LNPK: variants seen among roughly 807,000 people sequenced by gnomAD.
LNPK encodes the protein lunapark, ER junction formation factor, also known as endoplasmic reticulum junction formation protein lunapark.
A neutral mutation model predicts 55.2 loss-of-function variants in LNPK; 29 were observed. That is an observed-to-expected ratio of 0.53 (90% CI 0.39 to 0.72). The LOEUF (loss-of-function observed/expected upper bound fraction) is 0.72, where lower values mean the gene tolerates loss of function less well. Among genes scored for constraint, LNPK ranks in the 30% least tolerant of loss-of-function variants. The pLI is 0.00. For missense variants in LNPK, 467 were observed against 494.8 expected (o/e 0.94, Z 0.53); for synonymous variants, 162 against 168.2 (o/e 0.96, Z 0.29).
At chr2:175,947,436 A>G (rs753558236) in intron 9 of LNPK, 44 bp downstream of exon 9, 5 of 1,537,210 alleles carry the variant, frequency 3.3e-6, no homozygotes, top group South Asian at 1.1e-5. Flanking sequence ...TGGTAACCAG[A>G]GAAAACAATA....
At chr2:175,943,265 G>A (rs1428302044) in intron 9 of LNPK, among the ~76,000 whole-genome samples, 5 of 146,696 alleles carry the variant, frequency 3.4e-5, no homozygotes, top group African/African-American at 1.0e-4. Context: ...AAAATAACCA[G>A]GCCCAGATGC....
chr2:175,964,286 T>G, intron 8 of LNPK, 86 bp downstream of exon 8: 1 of 1,051,574 alleles, frequency 9.5e-7, no homozygotes, highest in African/African-American at 1.6e-5. Context: ...ACATAAGTTT[T>G]TGCACACCTC....
At chr2:175,965,244 TAGGG>T (rs1043475324) in intron 6 of LNPK, among the ~76,000 whole-genome samples, 63 of 152,338 alleles carry the variant, frequency 4.1e-4, no homozygotes, top group African/African-American at 1.4e-3. Context: ...ATGTTCACAC[TAGGG>T]ACTATAATTA....
In LNPK at chr2:175,953,943, T is replaced by G. The variant is rs146460726; in HGVS notation, c.494-6251A>C. On this transcript the variant is annotated intron_variant, in intron 8 of 12. Coordinates refer to ENST00000272748, the MANE Select transcript of LNPK (RefSeq NM_030650.3). The stretch of plus-strand genomic sequence containing the variant: ...TTTGATCCCTCCTTCATATGACCCC[T>G]ACTTTCCTTTTTCAGGGATATGGCA... Among the ~76,000 whole-genome samples, 160 of 152,248 alleles carry G rather than the reference T, an allele frequency of 1.1e-3. 1 individual carries two copies. The highest frequency in any genetic ancestry group is 2.5e-3 in the East Asian group (13 of 5,186).
At chr2:175,948,624 C>T (rs1234629206) in intron 8 of LNPK, among the ~76,000 whole-genome samples, 2 of 152,156 alleles carry the variant, frequency 1.3e-5, no homozygotes, top group Admixed American at 1.3e-4. Context: ...AGCCTTTATA[C>T]TTTTTCAATT....
At chr2:175,997,041 T>G (rs1007539092) in intron 1 of LNPK, among the ~76,000 whole-genome samples, 1 of 152,172 alleles carries the variant, frequency 6.6e-6, no homozygotes, top group Admixed American at 6.5e-5. Context: ...ATAATACCAG[T>G]ATCAAGTAAG....
intron 1 of LNPK, among the ~76,000 whole-genome samples, 158 bp from the exon 2 acceptor site, chr2:175,995,804 CTTTTTTTT>C (rs10674444): frequency 1.5e-5 from 1 of 66,424 alleles, no homozygotes; most frequent in Non-Finnish European, 2.6e-5. Flanking sequence ...TAGAGTCTAC[CTTTTTTTT>C]TTTTTTTTTT....
chr2:175,971,649 T>C (rs1686668576), intron 5 of LNPK, among the ~76,000 whole-genome samples: 1 of 152,170 alleles, frequency 6.6e-6, no homozygotes, highest in South Asian at 2.1e-4. Flanking sequence ...AGTACATCAT[T>C]TATGTAAAAA....
chr2:175,980,623 A>G (rs1396461511), intron 4 of LNPK, among the ~76,000 whole-genome samples: 1 of 152,106 alleles, frequency 6.6e-6, no homozygotes, highest in Non-Finnish European at 1.5e-5. Flanking sequence ...ATAAGTACAT[A>G]AGGCTGGGCA....
chr2:175,983,082 T>C (rs1375658002), intron 4 of LNPK, among the ~76,000 whole-genome samples: 1 of 152,184 alleles, frequency 6.6e-6, no homozygotes, highest in Non-Finnish European at 1.5e-5. Flanking sequence ...GAAAACTGCA[T>C]ATTTCACAAA....
At chr2:175,996,773 T>C (rs1368431436) in intron 1 of LNPK, among the ~76,000 whole-genome samples, 1 of 152,222 alleles carries the variant, frequency 6.6e-6, no homozygotes, top group Admixed American at 6.5e-5. Context: ...ACCACTTCTT[T>C]CAGTTGCTTT....
rs1332560692 is a variant in LNPK at position 175,947,552 on chromosome 2, C to G, written c.634G>C (p.Val212Leu). 1 of 1,614,062 alleles carries G rather than the reference C, an allele frequency of 6.2e-7. No individual in the cohort carries two copies. Among genetic ancestry groups the G allele is most frequent in the East Asian group, 2.2e-5 (1 of 44,872 alleles). Residue 212 changes from valine (V) to leucine (L), a missense_variant, in exon 9 of 13, where the codon GTT becomes CTT. Transcript: ENST00000272748. ...SAPGGPPERT[V>L]TPALSSNVLP... is the part of the protein sequence containing the mutation. ...ACATTTGATGATAGGGCTGGAGTAA[C>G]AGTCCTTTCTGGGGGTCCACCAGGG...
chr2:175,955,804 A>G (rs149843573), intron 8 of LNPK, among the ~76,000 whole-genome samples: 255 of 152,308 alleles, frequency 1.7e-3, no homozygotes, highest in African/African-American at 5.9e-3. Context: ...AAGAAGTTGT[A>G]CTCTATTTGC....
In LNPK at chr2:175,940,263, A is replaced by G. The variant is rs538623005; in HGVS notation, c.707-606T>C. Reference sequence around the variant, plus strand: ...ATGTAGCAGACTCTCACAGTTGAGGAGACAAAGCCAGAATTCTGAGAAGGC... The same window carrying G: ...ATGTAGCAGACTCTCACAGTTGAGGGGACAAAGCCAGAATTCTGAGAAGGC... On this transcript the variant is annotated intron_variant, in intron 9 of 12. Transcript: ENST00000272748. Among the ~76,000 whole-genome samples the G allele has an allele frequency of 3.3e-5, 5 of 151,972 alleles. No individual in the cohort carries two copies. The East Asian group carries it at 9.8e-4, about 30-fold the overall frequency.
chr2:175,964,278 A>AT (rs1351840041), intron 8 of LNPK, 94 bp downstream of exon 8: 1 of 905,486 alleles, frequency 1.1e-6, no homozygotes, highest in East Asian at 2.5e-5. Flanking sequence ...AGCATTCTAC[A>AT]TAAGTTTTTG....
chr2:175,947,727 C>T (rs1685216532), intron 8 of LNPK, 35 bp from the exon 9 acceptor site: 15 of 1,426,942 alleles, frequency 1.1e-5, no homozygotes, highest in Non-Finnish European at 1.4e-5. Flanking sequence ...ACTTAATTTC[C>T]AATATACCAT....
chr2:175,974,654 C>T (rs1387057403), intron 5 of LNPK, among the ~76,000 whole-genome samples: 1 of 152,130 alleles, frequency 6.6e-6, no homozygotes, highest in East Asian at 1.9e-4. Context: ...GGCTTCCAGG[C>T]TGCAGCCATC....
chr2:175,963,899 T>C (rs1477662034), intron 8 of LNPK, among the ~76,000 whole-genome samples: 5 of 151,958 alleles, frequency 3.3e-5, no homozygotes, highest in African/African-American at 4.8e-5. Flanking sequence ...AGCTCAAAAA[T>C]AGTTAACATT....
chr2:175,941,303 T>TTATATA (rs962785965), intron 9 of LNPK, among the ~76,000 whole-genome samples: 3 of 133,772 alleles, frequency 2.2e-5, no homozygotes, highest in Non-Finnish European at 3.2e-5. Flanking sequence ...ATATTTATAT[T>TTATATA]TATATATAAT....
Sources: gnomAD v4.1 joint callset for allele counts (sites outside exome capture counted in the v4.1 genomes callset) on GRCh38, gnomAD v4.1.1 for gene constraint, MANE v1.5 for transcripts, NCBI Gene and HGNC (gene_info 2026-07-23, HGNC 2026-07-21) for gene names.